PSG9: variants seen among roughly 807,000 people sequenced by gnomAD.
PSG9 encodes the protein pregnancy specific beta-1-glycoprotein 9, also known as pregnancy-specific beta-1-glycoprotein 9.
Under a neutral mutation model 41.9 loss-of-function variants are expected in PSG9, and 49 were observed. The observed-to-expected ratio is 1.17, with a 90% CI of 0.93 to 1.48. PSG9 has a LOEUF of 1.48. Among genes scored for constraint, PSG9 ranks in the 40% most tolerant of loss-of-function variants. PSG9 has a pLI of 0.00. For missense variants in PSG9, 641 were observed against 520.3 expected (o/e 1.23, Z -2.26); for synonymous variants, 263 against 196.8 (o/e 1.34, Z -2.82).
intron 2 of PSG9, among the ~76,000 whole-genome samples, chr19:43,266,629 T>C (rs1338991730): frequency 6.6e-6 from 1 of 152,152 alleles, no homozygotes; most frequent in African/African-American, 2.4e-5. Context: ...TTGAGGCAGG[T>C]GATTTAGTTC....
intron 2 of PSG9, among the ~76,000 whole-genome samples, chr19:43,265,605 T>C (rs1444271332): frequency 1.3e-5 from 2 of 152,126 alleles, no homozygotes; most frequent in African/African-American, 4.8e-5. Flanking sequence ...CCTGATCCAC[T>C]GGGGAGGCTG....
chr19:43,265,201 G>A (rs1196881010), intron 2 of PSG9, among the ~76,000 whole-genome samples: 1 of 152,144 alleles, frequency 6.6e-6, no homozygotes, highest in Admixed American at 6.5e-5. Flanking sequence ...GACTGCTTTT[G>A]TCAAACTAGT....
Position 43,267,738 on chromosome 19 carries a change from A to G in PSG9, c.430+46T>C, listed in dbSNP as rs767781164. 12 of 1,611,506 alleles carry G rather than the reference A, an allele frequency of 7.4e-6. 1 individual carries two copies. Among genetic ancestry groups the G allele is most frequent in the East Asian group, 2.2e-5 (1 of 44,834 alleles). ...ACAATCCTGTGTGTGTGAAGTAGAA[A>G]TGACCCCTTCCCCCCAACACCCAGG... On this transcript the variant is annotated intron_variant, in intron 2 of 5. Coordinates refer to ENST00000270077, the MANE Select transcript of PSG9 (RefSeq NM_002784.5).
In PSG9 at chr19:43,259,350, C is replaced by G. The variant is rs4028432; in HGVS notation, c.710-215G>C. 5.5e-5 allele frequency: 53 copies of G among 959,012 alleles called. 3 individuals are homozygous for G. The Middle Eastern group carries it at 1.0e-3, about 19-fold the overall frequency. 59.4% of individuals were successfully genotyped at this position (959,012 alleles called of 1,614,324 possible). A position where few individuals can be genotyped will look rare whatever the true frequency, so the allele number is the denominator to read the frequency against. The stretch of plus-strand genomic sequence containing the variant: ...TGTCTTAGGGAAGCACAGACTTTCT[C>G]AAGTGTCAATTGAGCAGCAGTGTTG... On this transcript the variant is annotated intron_variant, in intron 3 of 5. Coordinates refer to ENST00000270077, the MANE Select transcript of PSG9 (RefSeq NM_002784.5).
rs368947922 is a variant in PSG9, at chr19:43,253,666, G to C, written c.1244-20C>G. The stretch of plus-strand genomic sequence containing the variant: ...AGGGACCTGATTGACAGAAGGCCCA[G>C]GTCAGTGCATTTCAAATTCACTACC... On this transcript the variant is annotated intron_variant, in intron 5 of 5. Coordinates refer to ENST00000270077, the MANE Select transcript of PSG9 (RefSeq NM_002784.5). 4.9e-6 allele frequency: 6 copies of C among 1,217,262 alleles called. No individual in the cohort carries two copies. Among genetic ancestry groups the C allele is most frequent in the East Asian group, 3.0e-5 (1 of 33,038 alleles). 75.4% of individuals were successfully genotyped at this position (1,217,262 alleles called of 1,614,324 possible).
At position 43,258,142 on chromosome 19, in the gene PSG9, C is replaced by A. The variant is rs1407251087; in HGVS notation, c.1243+60G>T. ...ATAAAAATGTTTTCCTGACTCTTCT[C>A]TGAAAGCCAGATAGACTCCACATAA... On this transcript the variant is annotated intron_variant, in intron 5 of 5. Transcript: ENST00000270077. 6 of 1,591,576 alleles carry A rather than the reference C, an allele frequency of 3.8e-6. No homozygotes were observed. The African/African-American group carries it at 8.5e-5, about 23-fold the overall frequency.
intron 2 of PSG9, among the ~76,000 whole-genome samples, 182 bp downstream of exon 2, chr19:43,267,602 A>G (rs577563068): frequency 8.5e-5 from 13 of 152,190 alleles, no homozygotes; most frequent in Admixed American, 3.3e-4. Flanking sequence ...GATGCGGGAA[A>G]GGAATTCTGA....
rs577712328 is a variant in PSG9 at position 43,264,614 on chromosome 19, C to T, written c.431-2476G>A. On this transcript the variant is annotated intron_variant, in intron 2 of 5. Coordinates refer to ENST00000270077, the MANE Select transcript of PSG9 (RefSeq NM_002784.5). ...GTGGGACTACAGGCGCCCACCACCA[C>T]GCCCGGCTAATTTTTTGTATTTTTA... is the stretch of plus-strand genomic sequence containing the variant. 7.0e-4 allele frequency among the ~76,000 whole-genome samples: 107 copies of T among 152,168 alleles called. 1 individual carries two copies. The highest frequency in any genetic ancestry group is 9.2e-4 in the African/African-American group (38 of 41,522).
chr19:43,266,534 G>C (rs1397602975), intron 2 of PSG9, among the ~76,000 whole-genome samples: 5 of 152,012 alleles, frequency 3.3e-5, no homozygotes, highest in Non-Finnish European at 7.4e-5. Flanking sequence ...TGGACACTTT[G>C]GGAAACACAG....
In PSG9 at chr19:43,259,222, C is replaced by T. The variant is rs971795745; in HGVS notation, c.710-87G>A. 3.3e-6 allele frequency: 5 copies of T among 1,524,946 alleles called. No homozygotes were observed. The African/African-American group carries it at 4.4e-5, about 13-fold the overall frequency. 94.5% of individuals were successfully genotyped at this position (1,524,946 alleles called of 1,614,324 possible). ...CTTCAATCAGAGTTGGCATCTCCCA[C>T]CTCTCAGCCCACCCGAGTCCTTGAA... is the stretch of plus-strand genomic sequence containing the variant. On this transcript the variant is annotated intron_variant, in intron 3 of 5. Coordinates refer to ENST00000270077, the MANE Select transcript of PSG9 (RefSeq NM_002784.5).
At chr19:43,263,432 C>G (rs1968819388) in intron 2 of PSG9, among the ~76,000 whole-genome samples, 1 of 152,088 alleles carries the variant, frequency 6.6e-6, no homozygotes, top group African/African-American at 2.4e-5. Context: ...CGCCAGTGAG[C>G]ACTTCTTTTT....
chr19:43,259,131 C>A lies in PSG9; in HGVS notation c.714G>T (p.Lys238Asn). The A allele has an allele frequency of 6.3e-7, 1 of 1,590,270 alleles. No individual in the cohort carries two copies. Among genetic ancestry groups the A allele is most frequent in the Non-Finnish European group, 8.5e-7 (1 of 1,174,202 alleles). The change falls in exon 4 of 6, where the codon AAG becomes AAT. Residue 238 changes from lysine to asparagine, a missense_variant. Coordinates refer to ENST00000270077, the MANE Select transcript of PSG9 (RefSeq NM_002784.5). ...TGATGGTGATGTAGGGGATGGGCAGCTTCGCTGTGTGGATAACAGAGAGAA... is the reference window on the plus strand; with the variant it reads ...TGATGGTGATGTAGGGGATGGGCAGATTCGCTGTGTGGATAACAGAGAGAA... ...SDPVTLNLLP[K>N]LPIPYITINN...
chr19:43,260,482 G>T lies in PSG9; in HGVS notation c.710-1347C>A, dbSNP rs1968658739. On this transcript the variant is annotated intron_variant, in intron 3 of 5. Coordinates refer to ENST00000270077, the MANE Select transcript of PSG9 (RefSeq NM_002784.5). The stretch of plus-strand genomic sequence containing the variant: ...CAAAAGTGGGAGGTGATAAGCCAAA[G>T]ATATTCTTGCCCTTTTTTTTTCTCT... 2.0e-5 allele frequency: 3 copies of T among 148,530 alleles called. No homozygotes were observed. The South Asian group carries it at 6.4e-4, about 32-fold the overall frequency. The allele number at this position is 148,530 out of a possible 1,614,324, so 9.2% of individuals were successfully genotyped here. A position where few individuals can be genotyped will look rare whatever the true frequency, so the allele number is the denominator to read the frequency against.
chr19:43,263,547 G>A (rs964966274), intron 2 of PSG9, among the ~76,000 whole-genome samples: 1 of 150,906 alleles, frequency 6.6e-6, no homozygotes, highest in Non-Finnish European at 1.5e-5. Flanking sequence ...CCCATAAAAA[G>A]TTGTCAGGAG....
intron 2 of PSG9, among the ~76,000 whole-genome samples, chr19:43,262,668 G>A (rs1968781826): frequency 6.6e-6 from 1 of 152,174 alleles, no homozygotes; most frequent in Admixed American, 6.5e-5. Flanking sequence ...ACACAGGGGA[G>A]ACCAGAGTCA....
chr19:43,262,240 C>A (rs8108259), intron 2 of PSG9, 102 bp from the exon 3 acceptor site: 635,967 of 1,529,636 alleles, frequency 0.42, 149,470 homozygotes, highest in East Asian at 0.97. Flanking sequence ...CAGCCCAACC[C>A]AGTCCTTAAA....
rs532568168 is a variant in PSG9 at position 43,258,613 on chromosome 19, A to C, written c.989-157T>G. Reference sequence around the variant, plus strand: ...CACTGAGCTGAAGCCTGAGGTATTCACCTGTTTCTCCCATCACAAGCTGTG... The same window carrying C: ...CACTGAGCTGAAGCCTGAGGTATTCCCCTGTTTCTCCCATCACAAGCTGTG... On this transcript the variant is annotated intron_variant, in intron 4 of 5. Transcript: ENST00000270077. 1.6e-4 allele frequency among the ~76,000 whole-genome samples: 24 copies of C among 146,164 alleles called. 2 individuals are homozygous for C. Among genetic ancestry groups the C allele is most frequent in the Admixed American group, 2.7e-4 (4 of 14,702 alleles).
Position 43,257,658 on chromosome 19 carries a change from A to G in PSG9, c.1243+544T>C, listed in dbSNP as rs1162627942. On this transcript the variant is annotated intron_variant, in intron 5 of 5. Coordinates refer to ENST00000270077, the MANE Select transcript of PSG9 (RefSeq NM_002784.5). ...AGGACAGGCCACCAGGGCCCTTTCT[A>G]CACACACGCTAGTCCCACCCCAGGT... 8 of 1,044,218 alleles carry G rather than the reference A, an allele frequency of 7.7e-6. 2 individuals are homozygous for G. Among genetic ancestry groups the G allele is most frequent in the African/African-American group, 1.8e-5 (1 of 55,726 alleles). 64.7% of individuals were successfully genotyped at this position (1,044,218 alleles called of 1,614,324 possible).
At chr19:43,256,796 G>C (rs1433365424) in intron 5 of PSG9, among the ~76,000 whole-genome samples, 1 of 146,822 alleles carries the variant, frequency 6.8e-6, no homozygotes, top group African/African-American at 2.6e-5. Flanking sequence ...TGGTGTGGCT[G>C]TTTCTCAAAA....
Sources: gnomAD v4.1 joint callset for allele counts (sites outside exome capture counted in the v4.1 genomes callset) on GRCh38, gnomAD v4.1.1 for gene constraint, MANE v1.5 for transcripts, NCBI Gene and HGNC (gene_info 2026-07-23, HGNC 2026-07-21) for gene names.